Variants in RAB11FIP4 observed in about 807,000 individuals in gnomAD.
The protein encoded by RAB11FIP4 is rab11 family-interacting protein 4.
Under a neutral mutation model 74.3 loss-of-function variants are expected in RAB11FIP4, and 23 were observed. The observed-to-expected ratio is 0.31, with a 90% CI of 0.22 to 0.44. The LOEUF is 0.44. RAB11FIP4 is among the 20% of genes least tolerant of loss of function. The pLI, the probability that RAB11FIP4 is intolerant of heterozygous loss-of-function variation, is 1.00. For synonymous variants in RAB11FIP4, 360 were observed against 359.9 expected, an observed-to-expected ratio of 1.00 and a Z score of 0.00; for missense variants, 630 against 863.9, an observed-to-expected ratio of 0.73 and a Z score of 3.39.
intron 3 of RAB11FIP4, among the ~76,000 whole-genome samples, chr17:31,449,850 C>G (rs1157424517): frequency 6.6e-6 from 1 of 152,212 alleles, no homozygotes; most frequent in African/African-American, 2.4e-5. Flanking sequence ...GTATGGCAGG[C>G]ATGAGCCACC....
Position 31,391,759 on chromosome 17 carries a change from CGGG to C in RAB11FIP4, c.-93_-91del. The C allele has an allele frequency of 1.1e-6, 1 of 913,708 alleles. No homozygotes were observed. Among genetic ancestry groups the C allele is most frequent in the South Asian group, 4.8e-5 (1 of 20,722 alleles). The allele number at this position is 913,708 out of a possible 1,614,324, so 56.6% of individuals were successfully genotyped here. Reference sequence around the variant, plus strand: ...GGAGGCTGCGCGGCGCAGACCCAGACGGGCGGCCCCGGAGGGCGCGCGGCGATG... The same window carrying C: ...GGAGGCTGCGCGGCGCAGACCCAGACCGGCCCCGGAGGGCGCGCGGCGATG... On this transcript the variant is annotated 5_prime_UTR_variant, in exon 1 of 15. Coordinates refer to ENST00000621161, the MANE Select transcript of RAB11FIP4 (RefSeq NM_032932.6).
intron 3 of RAB11FIP4, among the ~76,000 whole-genome samples, chr17:31,463,801 GA>G (rs1457587802): frequency 2.0e-4 from 5 of 25,614 alleles, no homozygotes; most frequent in African/African-American, 3.9e-4. Flanking sequence ...ACTGCGCCTG[GA>G]CTTTTTTTTT....
At chr17:31,503,033 TA>T (rs1417065295) in intron 3 of RAB11FIP4, among the ~76,000 whole-genome samples, 1 of 97,512 alleles carries the variant, frequency 1.0e-5, no homozygotes, top group Non-Finnish European at 2.0e-5. Context: ...TTATTATTAT[TA>T]TTTTGTTGTT....
At chr17:31,482,328 C>T (rs1212644444) in intron 3 of RAB11FIP4, among the ~76,000 whole-genome samples, 1 of 152,062 alleles carries the variant, frequency 6.6e-6, no homozygotes, top group Non-Finnish European at 1.5e-5. Flanking sequence ...TGCGGTGGCT[C>T]ACGCCTGTAA....
chr17:31,400,332 C>T (rs1038135379), intron 1 of RAB11FIP4, among the ~76,000 whole-genome samples: 5 of 152,178 alleles, frequency 3.3e-5, no homozygotes, highest in African/African-American at 9.7e-5. Flanking sequence ...GTCTTGGAAA[C>T]GTGGTCCAGG....
At chr17:31,453,573 G>A (rs1787527475) in intron 3 of RAB11FIP4, among the ~76,000 whole-genome samples, 1 of 151,746 alleles carries the variant, frequency 6.6e-6, no homozygotes, top group Non-Finnish European at 1.5e-5. Context: ...ACATGAAAGT[G>A]CATGGAAGTA....
intron 3 of RAB11FIP4, among the ~76,000 whole-genome samples, chr17:31,441,121 T>A (rs147064408): frequency 0.011 from 1,664 of 152,070 alleles, 28 homozygotes; most frequent in African/African-American, 0.037. Context: ...GCCTCCCAGG[T>A]CCAAGCGATT....
In RAB11FIP4 at chr17:31,537,292, C is replaced by T. The variant is rs1351710523; in HGVS notation, c.*5560C>T. The T allele has an allele frequency of 7.5e-6, 3 of 398,534 alleles. No individual in the cohort carries two copies. Among genetic ancestry groups the T allele is most frequent in the South Asian group, 2.7e-4 (2 of 7,414 alleles). 24.7% of individuals were successfully genotyped at this position (398,534 alleles called of 1,614,324 possible). On this transcript the variant is annotated 3_prime_UTR_variant, in exon 15 of 15. Coordinates refer to ENST00000621161, the MANE Select transcript of RAB11FIP4 (RefSeq NM_032932.6). ...TGAGGCCAGCTCTCCCGGGCACATTCGTCCACAAGGATCAGGCCCCACTTA... is the reference window on the plus strand; with the variant it reads ...TGAGGCCAGCTCTCCCGGGCACATTTGTCCACAAGGATCAGGCCCCACTTA...
At chr17:31,487,634 A>T (rs554060899) in intron 3 of RAB11FIP4, among the ~76,000 whole-genome samples, 1 of 152,022 alleles carries the variant, frequency 6.6e-6, no homozygotes, top group Non-Finnish European at 1.5e-5. Flanking sequence ...GCGGCGGCGG[A>T]CCGTGTGGGG....
chr17:31,529,358 G>A (rs980120277), intron 13 of RAB11FIP4, among the ~76,000 whole-genome samples: 2 of 152,142 alleles, frequency 1.3e-5, no homozygotes, highest in African/African-American at 2.4e-5. Context: ...AAATTCCTGG[G>A]CTCAAGCAAT....
chr17:31,496,864 A>G (rs544200732), intron 3 of RAB11FIP4, among the ~76,000 whole-genome samples: 2 of 152,348 alleles, frequency 1.3e-5, no homozygotes, highest in South Asian at 4.1e-4. Flanking sequence ...TGGATGTCGC[A>G]TCGCTGAGAG....
intron 7 of RAB11FIP4, chr17:31,522,723 A>G (rs926238484): frequency 1.4e-5 from 6 of 414,210 alleles, no homozygotes; most frequent in Non-Finnish European, 1.7e-5. Flanking sequence ...GCTGGCAGCC[A>G]TACTCAATAA....
intron 3 of RAB11FIP4, among the ~76,000 whole-genome samples, chr17:31,439,441 C>T (rs996310757): frequency 1.3e-5 from 2 of 152,214 alleles, no homozygotes; most frequent in Admixed American, 6.5e-5. Flanking sequence ...CCATTGCTGC[C>T]GTCCTCTGTG....
At chr17:31,445,560 ATATATATATATATATATATTTTTTTTTTT>A (rs1267570107) in intron 3 of RAB11FIP4, among the ~76,000 whole-genome samples, 755 of 14,462 alleles carry the variant, frequency 0.052, 56 homozygotes, top group African/African-American at 0.14. Context: ...ATATATATAT[ATATATATATATATATATATTTTTTTTTTT>A]TTTTTTTTTT....
At chr17:31,502,546 T>A (rs2072242191) in intron 3 of RAB11FIP4, among the ~76,000 whole-genome samples, 1 of 152,186 alleles carries the variant, frequency 6.6e-6, no homozygotes, top group Non-Finnish European at 1.5e-5. Context: ...GCCACTGTAC[T>A]CCAGCCTGGG....
At chr17:31,453,052 A>G (rs2071540833) in intron 3 of RAB11FIP4, among the ~76,000 whole-genome samples, 1 of 152,092 alleles carries the variant, frequency 6.6e-6, no homozygotes, top group African/African-American at 2.4e-5. Context: ...CAAAATGTTC[A>G]TTTAAACTTG....
intron 3 of RAB11FIP4, among the ~76,000 whole-genome samples, chr17:31,477,385 G>C (rs2071803991): frequency 6.6e-6 from 1 of 152,234 alleles, no homozygotes; most frequent in Non-Finnish European, 1.5e-5. Context: ...TGAGGAAGGA[G>C]CCTGGGCTTG....
Position 31,510,110 on chromosome 17 carries a change from TG to T in RAB11FIP4, c.337-7537del, listed in dbSNP as rs972294090. Among the ~76,000 whole-genome samples, 7 of 152,146 alleles carry T rather than the reference TG, an allele frequency of 4.6e-5. No individual in the cohort carries two copies. The South Asian group carries it at 1.0e-3, about 23-fold the overall frequency. ...CATGATGAGAGCAGCCAAGCCACAG[TG>T]GGGTGTGGAAGACCCCAGCCCTAGC... On this transcript the variant is annotated intron_variant, in intron 3 of 14. Coordinates refer to ENST00000621161, the MANE Select transcript of RAB11FIP4 (RefSeq NM_032932.6).
At chr17:31,424,920 G>T (rs995596078) in intron 1 of RAB11FIP4, among the ~76,000 whole-genome samples, 4 of 152,120 alleles carry the variant, frequency 2.6e-5, no homozygotes, top group African/African-American at 7.2e-5. Context: ...AAAGTTGTCA[G>T]TACCAATGCC....
Sources: allele counts gnomAD v4.1 joint callset (sites outside exome capture counted in the v4.1 genomes callset), GRCh38; gene constraint gnomAD v4.1.1; transcripts MANE v1.5; gene names NCBI Gene and HGNC (gene_info 2026-07-23, HGNC 2026-07-21).